The following AGBL1 variants were observed in gnomAD, a reference collection of about 807,000 sequenced individuals.
The protein encoded by AGBL1 is AGBL carboxypeptidase 1.
A neutral mutation model predicts 118.9 loss-of-function variants in AGBL1; 130 were observed. The observed-to-expected ratio is 1.09, with a 90% confidence interval of 0.95 to 1.26. The LOEUF (loss-of-function observed/expected upper bound fraction) is 1.26, where lower values mean the gene tolerates loss of function less well. Ranked by LOEUF, AGBL1 falls within the 50% of genes most tolerant of loss-of-function variation. AGBL1 has a pLI of 0.00. For synonymous variants in AGBL1, 555 were observed against 478.9 expected (o/e 1.16, Z -2.08); for missense variants, 1,584 against 1,298.1 (o/e 1.22, Z -3.38).
At chr15:86,668,631 A>G (rs1222386802) in intron 21 of AGBL1, among the ~76,000 whole-genome samples, 1 of 152,172 alleles carries the variant, frequency 6.6e-6, no homozygotes, top group African/African-American at 2.4e-5. Context: ...TCTGTTTTAT[A>G]AAAAGTGATT....
chr15:86,135,089 G>T (rs1400668691), intron 1 of AGBL1, among the ~76,000 whole-genome samples: 1 of 152,142 alleles, frequency 6.6e-6, no homozygotes, highest in East Asian at 1.9e-4. Flanking sequence ...AGAGGTGTTT[G>T]GATCGTAGGG....
At chr15:86,957,825 G>A (rs2080946187) in intron 23 of AGBL1, among the ~76,000 whole-genome samples, 1 of 151,974 alleles carries the variant, frequency 6.6e-6, no homozygotes, top group South Asian at 2.1e-4. Flanking sequence ...GAAAGATTTT[G>A]TTTTCTTGGA....
At chr15:86,574,253 G>A (rs2084050965) in intron 21 of AGBL1, among the ~76,000 whole-genome samples, 1 of 152,204 alleles carries the variant, frequency 6.6e-6, no homozygotes, top group African/African-American at 2.4e-5. Flanking sequence ...TAGTCCAAGT[G>A]TGTACCCAGA....
intron 21 of AGBL1, among the ~76,000 whole-genome samples, chr15:86,574,359 G>A (rs1219351104): frequency 1.3e-5 from 2 of 152,116 alleles, no homozygotes. Context: ...AACTTGAGGT[G>A]GAAGGATGGT....
chr15:87,014,310 A>G (rs985174019), intron 24 of AGBL1, among the ~76,000 whole-genome samples: 4 of 152,102 alleles, frequency 2.6e-5, no homozygotes, highest in African/African-American at 7.2e-5. Flanking sequence ...TCTTATTTCA[A>G]TTTTCCCTCT....
intron 22 of AGBL1, among the ~76,000 whole-genome samples, chr15:86,835,569 G>C (rs866217722): frequency 2.0e-4 from 31 of 151,994 alleles, no homozygotes; most frequent in Non-Finnish European, 4.0e-4. Flanking sequence ...CTGGTAAGCA[G>C]GTTCAAAAAA....
intron 22 of AGBL1, among the ~76,000 whole-genome samples, chr15:86,886,299 AG>A (rs1439132822): frequency 6.6e-6 from 1 of 152,250 alleles, no homozygotes; most frequent in Non-Finnish European, 1.5e-5. Flanking sequence ...TTGAAGTTAT[AG>A]CAAGTTATTT....
chr15:86,434,789 G>T (rs796876939), intron 18 of AGBL1, among the ~76,000 whole-genome samples: 9 of 152,262 alleles, frequency 5.9e-5, no homozygotes, highest in African/African-American at 2.2e-4. Flanking sequence ...TGTGTCTCTG[G>T]ACTCATGCAG....
intron 1 of AGBL1, among the ~76,000 whole-genome samples, chr15:86,136,674 T>G (rs974632990): frequency 2.6e-5 from 4 of 152,192 alleles, no homozygotes; most frequent in Non-Finnish European, 5.9e-5. Context: ...TAACTGGTTC[T>G]GTATCATTGG....
intron 23 of AGBL1, among the ~76,000 whole-genome samples, chr15:86,970,456 C>A (rs1002421625): frequency 6.6e-6 from 1 of 151,862 alleles, no homozygotes; most frequent in African/African-American, 2.4e-5. Flanking sequence ...TGGTTGAAGT[C>A]TATATTAATA....
intron 21 of AGBL1, among the ~76,000 whole-genome samples, chr15:86,654,032 G>A (rs1229313481): frequency 6.6e-6 from 1 of 152,166 alleles, no homozygotes; most frequent in Non-Finnish European, 1.5e-5. Flanking sequence ...CAGTTAGAAT[G>A]TTCTTTCTTC....
intron 22 of AGBL1, among the ~76,000 whole-genome samples, chr15:86,878,422 C>T (rs2079844647): frequency 6.6e-6 from 1 of 152,146 alleles, no homozygotes; most frequent in African/African-American, 2.4e-5. Flanking sequence ...ATGTAGTTGG[C>T]TGACACCTGT....
At chr15:86,881,546 C>G (rs113159854) in intron 22 of AGBL1, among the ~76,000 whole-genome samples, 1 of 152,104 alleles carries the variant, frequency 6.6e-6, no homozygotes, top group Non-Finnish European at 1.5e-5. Flanking sequence ...TACACCTTGC[C>G]GAGGTTACTG....
intron 21 of AGBL1, among the ~76,000 whole-genome samples, chr15:86,626,994 C>T (rs1054643026): frequency 4.7e-5 from 7 of 150,498 alleles, no homozygotes; most frequent in East Asian, 2.0e-4. Flanking sequence ...CCTGCCACAA[C>T]GACCAGCTAA....
intron 22 of AGBL1, among the ~76,000 whole-genome samples, chr15:86,689,693 A>G (rs757065011): frequency 1.3e-5 from 2 of 152,162 alleles, no homozygotes; most frequent in South Asian, 2.1e-4. Context: ...ACTTTTATGT[A>G]TTAAAAAAAA....
intron 17 of AGBL1, chr15:86,312,381 C>T (rs1405561271): frequency 2.4e-4 from 36 of 152,204 alleles, no homozygotes; most frequent in Admixed American, 2.0e-3. Context: ...TTCACTGATT[C>T]CCTTCACAAG....
intron 17 of AGBL1, among the ~76,000 whole-genome samples, chr15:86,320,682 C>G (rs1392725734): frequency 6.6e-6 from 1 of 151,672 alleles, no homozygotes; most frequent in South Asian, 2.1e-4. Context: ...CTCTTAACGT[C>G]TTACTATTAA....
At chr15:86,590,794 G>C (rs1369864199) in intron 21 of AGBL1, among the ~76,000 whole-genome samples, 1 of 152,226 alleles carries the variant, frequency 6.6e-6, no homozygotes, top group African/African-American at 2.4e-5. Flanking sequence ...AGGAAAGACA[G>C]CTTTGCAGAG....
intron 22 of AGBL1, among the ~76,000 whole-genome samples, chr15:86,877,634 T>C (rs1452951292): frequency 2.0e-5 from 3 of 152,178 alleles, no homozygotes; most frequent in African/African-American, 7.2e-5. Context: ...TGCCATCCAC[T>C]GTAAGCAGGC....
Sources: gnomAD v4.1 joint callset for allele counts (sites outside exome capture counted in the v4.1 genomes callset) on GRCh38, gnomAD v4.1.1 for gene constraint, MANE v1.5 for transcripts, NCBI Gene and HGNC (gene_info 2026-07-23, HGNC 2026-07-21) for gene names.